BCL2L1: variants seen among roughly 807,000 people sequenced by gnomAD.
BCL2L1 encodes the protein bcl-2-like protein 1.
In BCL2L1, 1 loss-of-function variant was observed where a neutral mutation model predicts 18.7. The ratio of observed to expected loss-of-function variants is 0.05; its 90% CI spans 0.02 to 0.25. The LOEUF (loss-of-function observed/expected upper bound fraction) is 0.25, where lower values mean the gene tolerates loss of function less well. BCL2L1 is among the 10% of genes least tolerant of loss of function. The pLI is 1.00. For missense variants in BCL2L1, 207 were observed against 304.9 expected (o/e 0.68, Z 2.39); for synonymous variants, 103 against 122.7 (o/e 0.84, Z 1.06).
intron 2 of BCL2L1, among the ~76,000 whole-genome samples, chr20:31,714,900 A>G (rs925005522): frequency 6.6e-6 from 1 of 151,574 alleles, no homozygotes; most frequent in Non-Finnish European, 1.5e-5. Context: ...CTACACCTCC[A>G]CCTCTAGGTC....
At chr20:31,700,373 A>G (rs188591829) in intron 2 of BCL2L1, among the ~76,000 whole-genome samples, 32 of 152,314 alleles carry the variant, frequency 2.1e-4, no homozygotes, top group Admixed American at 1.4e-3. Context: ...CAGCCCAACC[A>G]GTGGCCAGCA....
intron 2 of BCL2L1, among the ~76,000 whole-genome samples, chr20:31,668,805 C>T (rs558169124): frequency 5.9e-4 from 88 of 149,954 alleles, no homozygotes; most frequent in African/African-American, 1.6e-3. Flanking sequence ...GGTTTCTCCA[C>T]GTTGGGTCAG....
chr20:31,721,588 G>T, intron 2 of BCL2L1, 67 bp downstream of exon 2: 2 of 1,496,474 alleles, frequency 1.3e-6, no homozygotes, highest in South Asian at 1.3e-5. Flanking sequence ...AGATACAGAA[G>T]AAGGGCTGTT....
chr20:31,678,290 AAG>A (rs751169054), intron 2 of BCL2L1, among the ~76,000 whole-genome samples: 29 of 152,176 alleles, frequency 1.9e-4, no homozygotes, highest in Non-Finnish European at 3.8e-4. Flanking sequence ...TGCTGTGGGG[AAG>A]AGAGTACTGG....
chr20:31,716,367 T>G (rs1312595461), intron 2 of BCL2L1, among the ~76,000 whole-genome samples: 2 of 152,150 alleles, frequency 1.3e-5, no homozygotes, highest in African/African-American at 4.8e-5. Flanking sequence ...TGTACAATCA[T>G]CTGATATAAA....
At chr20:31,694,663 G>C (rs1421260037) in intron 2 of BCL2L1, among the ~76,000 whole-genome samples, 1 of 152,150 alleles carries the variant, frequency 6.6e-6, no homozygotes, top group Non-Finnish European at 1.5e-5. Context: ...GCCAGGCATT[G>C]TCCTAAGCCC....
chr20:31,674,501 T>A lies in BCL2L1; in HGVS notation c.565-8415A>T, dbSNP rs55890919. Among the ~76,000 whole-genome samples, 1,023 of 152,280 alleles carry A rather than the reference T, an allele frequency of 6.7e-3. 9 individuals carry two copies. Among genetic ancestry groups the A allele is most frequent in the Non-Finnish European group, 0.011 (780 of 68,014 alleles). On this transcript the variant is annotated intron_variant, in intron 2 of 2. Transcript: ENST00000307677. ...ACAATCATGGGCCAGGTCCATGTAC[T>A]TCTGTGGCTGAGGAAGGCCTTCATT...
chr20:31,669,072 T>C (rs575358612), intron 2 of BCL2L1, among the ~76,000 whole-genome samples: 31 of 152,244 alleles, frequency 2.0e-4, no homozygotes, highest in African/African-American at 5.5e-4. Context: ...TTTTAAATTT[T>C]TGTGACAGTG....
chr20:31,721,980 A>C lies in BCL2L1; in HGVS notation c.239T>G (p.Val80Gly). 1.2e-6 allele frequency: 2 copies of C among 1,613,824 alleles called. No individual in the cohort carries two copies. Among genetic ancestry groups the C allele is most frequent in the Non-Finnish European group, 1.7e-6 (2 of 1,179,946 alleles). Residue 80 changes from valine to glycine, a missense_variant, in exon 2 of 3, where the codon GTG (valine) becomes GGG (glycine). Physicochemically the swap from Val to Gly is moderately radical, Grantham distance 109. Coordinates refer to ENST00000307677, the MANE Select transcript of BCL2L1 (RefSeq NM_138578.3). ...TTGCTTTACTGCTGCCATGGGGATC[A>C]CCTCCCGGGCATCCAAACTGCTGCT... ...GHSSSLDAREVIPMAAVKQAL... is the reference protein window; with the variant it reads ...GHSSSLDAREGIPMAAVKQAL...
upstream of BCL2L1, chr20:31,723,755 G>C (rs17122905): frequency 1.6e-5 from 16 of 985,244 alleles, no homozygotes; most frequent in Non-Finnish European, 1.8e-5. Context: ...CGCGAGCCGT[G>C]GGGGGCCACA....
intron 2 of BCL2L1, among the ~76,000 whole-genome samples, chr20:31,687,939 T>C (rs896210311): frequency 7.8e-4 from 118 of 152,254 alleles, no homozygotes; most frequent in African/African-American, 2.7e-3. Flanking sequence ...CTGGGCTTAA[T>C]CCTAGCTCTG....
chr20:31,697,471 TCTGTCAC>T (rs2061193750), intron 2 of BCL2L1, among the ~76,000 whole-genome samples: 1 of 151,810 alleles, frequency 6.6e-6, no homozygotes, highest in Non-Finnish European at 1.5e-5. Flanking sequence ...GGAGTCTCGC[TCTGTCAC>T]CCAGGCTGGA....
intron 2 of BCL2L1, among the ~76,000 whole-genome samples, chr20:31,669,466 T>TA (rs1158110578): frequency 1.3e-5 from 2 of 151,268 alleles, no homozygotes; most frequent in Non-Finnish European, 2.9e-5. Context: ...GTCTTTTTTT[T>TA]TTTTTAGACG....
chr20:31,693,303 A>T (rs982636277), intron 2 of BCL2L1, among the ~76,000 whole-genome samples: 1 of 149,580 alleles, frequency 6.7e-6, no homozygotes, highest in African/African-American at 2.4e-5. Context: ...TCCCATCTCT[A>T]AAAAAAATAA....
Position 31,667,278 on chromosome 20 carries a change from T to C in BCL2L1, c.565-1192A>G, listed in dbSNP as rs1469672517. Among the ~76,000 whole-genome samples the C allele has an allele frequency of 2.6e-5, 4 of 152,146 alleles. No homozygotes were observed. In the East Asian group the frequency reaches 5.8e-4, roughly 22 times the overall value. On this transcript the variant is annotated intron_variant, in intron 2 of 2. Transcript: ENST00000307677. The stretch of plus-strand genomic sequence containing the variant: ...GAGTTCGAGACCAGCCTGGCCAACA[T>C]GGTGAAACCCTGTCTCTACTAAAAA...
intron 2 of BCL2L1, among the ~76,000 whole-genome samples, chr20:31,682,125 GTGAC>G (rs894353368): frequency 5.9e-5 from 9 of 152,364 alleles, no homozygotes; most frequent in South Asian, 2.1e-4. Flanking sequence ...AAGGTGCTCA[GTGAC>G]TGACTGACTG....
Position 31,709,317 on chromosome 20 carries a change from G to A in BCL2L1, c.564+12338C>T, listed in dbSNP as rs752429334. ...TGGTTCTTACCCGTCTGGCCTGCTC[G>A]TGTGTGTGTGTGCGCGCGTGCACGC... On this transcript the variant is annotated intron_variant, in intron 2 of 2. Transcript: ENST00000307677. 1.2e-3 allele frequency among the ~76,000 whole-genome samples: 189 copies of A among 151,858 alleles called. 3 individuals carry two copies. The highest frequency in any genetic ancestry group is 3.8e-4 in the Non-Finnish European group (26 of 67,958).
chr20:31,712,255 A>C lies in BCL2L1; in HGVS notation c.564+9400T>G, dbSNP rs185020073. Among the ~76,000 whole-genome samples, 252 of 152,308 alleles carry C rather than the reference A, an allele frequency of 1.7e-3. 1 individual carries two copies. The highest frequency in any genetic ancestry group is 2.9e-3 in the Non-Finnish European group (200 of 68,016). On this transcript the variant is annotated intron_variant, in intron 2 of 2. Coordinates refer to ENST00000307677, the MANE Select transcript of BCL2L1 (RefSeq NM_138578.3). ...GACGAGGGAACACAGTGGAGCGTTT[A>C]AAAGGGGGAGGTTGGAAGCTACCCT...
chr20:31,690,915 G>A (rs772215541), intron 2 of BCL2L1, among the ~76,000 whole-genome samples: 3 of 151,962 alleles, frequency 2.0e-5, no homozygotes, highest in African/African-American at 4.8e-5. Context: ...TTGGGAGGCC[G>A]AGGTGGGTGG....
Sources: gnomAD v4.1 joint callset for allele counts (sites outside exome capture counted in the v4.1 genomes callset) on GRCh38, gnomAD v4.1.1 for gene constraint, MANE v1.5 for transcripts, NCBI Gene and HGNC (gene_info 2026-07-23, HGNC 2026-07-21) for gene names.